BZW2: variants seen among roughly 807,000 people sequenced by gnomAD.
The protein encoded by BZW2 is basic leucine zipper and W2 domains 2, also known as eIF5-mimic protein 1.
Under a neutral mutation model 53.2 loss-of-function variants are expected in BZW2, and 23 were observed. That is an observed-to-expected ratio of 0.43 (90% CI 0.31 to 0.61). BZW2 has a LOEUF of 0.61. Among genes scored for constraint, BZW2 ranks in the 20% least tolerant of loss-of-function variants. The pLI is 0.09. For missense variants in BZW2, 409 were observed against 503.1 expected (o/e 0.81, Z 1.79); for synonymous variants, 227 against 186.4 (o/e 1.22, Z -1.77).
intron 7 of BZW2, among the ~76,000 whole-genome samples, chr7:16,692,759 G>A (rs559542224): frequency 3.3e-5 from 5 of 152,228 alleles, no homozygotes; most frequent in Non-Finnish European, 7.4e-5. Flanking sequence ...GCAAGACTCC[G>A]TCTCAAAACA....
rs1783775072 is a variant in BZW2 at position 16,704,567 on chromosome 7, G to A, written c.1129G>A (p.Ala377Thr). The A allele has an allele frequency of 1.3e-6, 2 of 1,564,244 alleles. No homozygotes were observed. Among genetic ancestry groups the A allele is most frequent in the South Asian group, 1.2e-5 (1 of 86,102 alleles). ...TGCAGCTGATGTTCTGAGCGAAGAAGCAATACTGAAATGGTATAAGGAAGC... is the reference window on the plus strand; with the variant it reads ...TGCAGCTGATGTTCTGAGCGAAGAAACAATACTGAAATGGTATAAGGAAGC... ...FYKADVLSEE[A>T]ILKWYKEAHV... Residue 377 changes from alanine to threonine, a missense_variant, in exon 11 of 12, where the codon GCA becomes ACA. This residue lies in a region of BZW2 where 88 missense variants were observed against 114.6 expected (regional missense o/e 0.77). Transcript: ENST00000258761.
At chr7:16,697,438 A>T (rs1021940366) in intron 9 of BZW2, among the ~76,000 whole-genome samples, 1 of 152,116 alleles carries the variant, frequency 6.6e-6, no homozygotes, top group African/African-American at 2.4e-5. Context: ...AACTACAATT[A>T]CCCTAGACTC....
chr7:16,701,160 ACT>A (rs1285061374), intron 10 of BZW2, among the ~76,000 whole-genome samples: 21 of 152,224 alleles, frequency 1.4e-4, no homozygotes, highest in African/African-American at 4.3e-4. Flanking sequence ...TTTTGCAAAG[ACT>A]CTCTGTATTA....
intron 3 of BZW2, among the ~76,000 whole-genome samples, chr7:16,677,051 CTTTT>C (rs10660587): frequency 4.6e-5 from 6 of 130,056 alleles, no homozygotes; most frequent in South Asian, 2.4e-4. Context: ...GCCCAGATTT[CTTTT>C]TTTTTTTTTT....
At chr7:16,663,174 A>C (rs149381864) in intron 1 of BZW2, among the ~76,000 whole-genome samples, 41 of 152,340 alleles carry the variant, frequency 2.7e-4, no homozygotes, top group Middle Eastern at 6.8e-3. Flanking sequence ...GATTAAGTTT[A>C]TAGCATTTGT....
intron 6 of BZW2, among the ~76,000 whole-genome samples, chr7:16,687,836 G>T (rs1343936574): frequency 6.6e-6 from 1 of 152,144 alleles, no homozygotes; most frequent in Non-Finnish European, 1.5e-5. Context: ...TATAAAGAAA[G>T]TTAAATCTCA....
At chr7:16,680,698 T>C (rs756692060) in intron 3 of BZW2, among the ~76,000 whole-genome samples, 83 of 152,036 alleles carry the variant, frequency 5.5e-4, no homozygotes, top group Non-Finnish European at 1.0e-3. Flanking sequence ...TCCTAGCTAC[T>C]TGGGAGGCTG....
chr7:16,704,647 G>C lies in BZW2; in HGVS notation c.1209G>C (p.Glu403Asp), dbSNP rs1392095546. ...VFLDQMKKFVEWLQNAEEESE... is the reference protein window; with the variant it reads ...VFLDQMKKFVDWLQNAEEESE... Reference sequence around the variant, plus strand: ...TTGACCAGATGAAGAAATTTGTTGAGTGGTTACAAAATGCAGAAGAAGGTA... The same window carrying C: ...TTGACCAGATGAAGAAATTTGTTGACTGGTTACAAAATGCAGAAGAAGGTA... Residue 403 changes from glutamate to aspartate, a missense_variant, in exon 11 of 12, where the codon GAG (glutamate) becomes GAC (aspartate). Coordinates refer to ENST00000258761, the MANE Select transcript of BZW2 (RefSeq NM_014038.3). The C allele has an allele frequency of 1.1e-5, 18 of 1,587,726 alleles. No homozygotes were observed. The highest frequency in any genetic ancestry group is 1.4e-5 in the Non-Finnish European group (16 of 1,160,302).
intron 1 of BZW2, among the ~76,000 whole-genome samples, chr7:16,663,696 C>A (rs1436526144): frequency 6.6e-6 from 1 of 151,908 alleles, no homozygotes; most frequent in Admixed American, 6.6e-5. Context: ...CTAGACATTT[C>A]CAAGTGAATA....
chr7:16,661,108 CAT>C (rs1464847928), intron 1 of BZW2: 4 of 152,066 alleles, frequency 2.6e-5, no homozygotes, highest in East Asian at 3.9e-4. Context: ...ATGCATAGCA[CAT>C]GTTAGTAATA....
chr7:16,682,782 C>G lies in BZW2; in HGVS notation c.342C>G (p.Val114=). 1.3e-6 allele frequency: 2 copies of G among 1,530,016 alleles called. No individual in the cohort carries two copies. The highest frequency in any genetic ancestry group is 1.8e-6 in the Non-Finnish European group (2 of 1,135,888). The allele number at this position is 1,530,016 out of a possible 1,614,324, so 94.8% of individuals were successfully genotyped here. ...DHETIRNYAQ[V]FNKLIRRYKY... is the part of the protein sequence containing the mutation. ...TTTAATGGTTGTTTTTTTTTTAGGT[C>G]TTCAATAAACTCATCAGGAGATATA... The change falls in exon 5 of 12, where the codon GTC becomes GTG. Residue 114 remains valine, a splice_region_variant and synonymous_variant. Coordinates refer to ENST00000258761, the MANE Select transcript of BZW2 (RefSeq NM_014038.3).
In BZW2 at chr7:16,685,994, C is replaced by T. The variant is rs543734251; in HGVS notation, c.495C>T (p.Pro165=). 2.6e-5 allele frequency: 41 copies of T among 1,607,120 alleles called. No homozygotes were observed. The highest frequency in any genetic ancestry group is 5.1e-5 in the Admixed American group (3 of 59,252). ...SGILLGNGTL[P]ATILTSLFTD... ...TTCTGCTGGGCAATGGCACCCTGCC[C>T]GCCACCATCCTCACCAGTCTCTTCA... Residue 165 remains proline, a synonymous_variant, in exon 6 of 12, where the codon CCC becomes CCT. Transcript: ENST00000258761.
chr7:16,698,249 C>T, intron 10 of BZW2, 63 bp downstream of exon 10: 1 of 1,596,592 alleles, frequency 6.3e-7, no homozygotes, highest in East Asian at 2.2e-5. Context: ...AGAGGCAGAG[C>T]AGGCAATGAG....
intron 1 of BZW2, 112 bp from the exon 2 acceptor site, chr7:16,665,325 A>T: frequency 8.0e-7 from 1 of 1,251,570 alleles, no homozygotes; most frequent in Non-Finnish European, 1.1e-6. Flanking sequence ...AAAAAGAGGC[A>T]TATTCAGTAA....
At chr7:16,670,713 A>G (rs369961561) in intron 2 of BZW2, among the ~76,000 whole-genome samples, 29 of 152,214 alleles carry the variant, frequency 1.9e-4, no homozygotes, top group African/African-American at 6.7e-4. Flanking sequence ...ACTCCACCTA[A>G]TGTATTCCTC....
At chr7:16,685,749 T>G (rs763462636) in intron 5 of BZW2, among the ~76,000 whole-genome samples, 156 bp from the exon 6 acceptor site, 2 of 152,186 alleles carry the variant, frequency 1.3e-5, no homozygotes, top group African/African-American at 2.4e-5. Context: ...TATCATGAAA[T>G]GAATTACTAT....
intron 1 of BZW2, among the ~76,000 whole-genome samples, chr7:16,647,584 G>A (rs1164655655): frequency 2.6e-5 from 4 of 152,156 alleles, no homozygotes; most frequent in Non-Finnish European, 4.4e-5. Context: ...CATGAAAATG[G>A]TTTGAAATTA....
intron 1 of BZW2, among the ~76,000 whole-genome samples, chr7:16,652,933 G>A (rs1782023592): frequency 6.6e-6 from 1 of 152,106 alleles, no homozygotes; most frequent in African/African-American, 2.4e-5. Flanking sequence ...GTTGTGTTGG[G>A]GAATCCAGTC....
At chr7:16,700,241 A>T (rs1783624665) in intron 10 of BZW2, among the ~76,000 whole-genome samples, 1 of 152,226 alleles carries the variant, frequency 6.6e-6, no homozygotes, top group Non-Finnish European at 1.5e-5. Flanking sequence ...AAGTGAAATG[A>T]TTCCATGTTT....
Sources: gnomAD v4.1 joint callset for allele counts (sites outside exome capture counted in the v4.1 genomes callset) on GRCh38, gnomAD v4.1.1 for gene constraint, gnomAD v4.1.1 regional missense constraint, MANE v1.5 for transcripts, NCBI Gene and HGNC (gene_info 2026-07-23, HGNC 2026-07-21) for gene names.